FMN1: variants seen among roughly 807,000 people sequenced by gnomAD.
FMN1 encodes formin-1.
Under a neutral mutation model 132.4 loss-of-function variants are expected in FMN1, and 110 were observed. The ratio of observed to expected loss-of-function variants is 0.83; its 90% CI spans 0.71 to 0.97. FMN1 has a LOEUF of 0.97. Ranked by LOEUF, FMN1 falls within the 50% of genes least tolerant of loss-of-function variation. The pLI, the probability that FMN1 is intolerant of heterozygous loss-of-function variation, is 0.00. For synonymous variants in FMN1, 722 were observed against 651.7 expected (o/e 1.11, Z -1.64); for missense variants, 1,792 against 1,705.3 (o/e 1.05, Z -0.90).
Position 33,081,337 on chromosome 15 carries a change from G to A in FMN1, c.2043+7462C>T, listed in dbSNP as rs530313146. Reference sequence around the variant, plus strand: ...TTTAAATGTTAAAAAATTGATATACGTATTTTGGGGTACGTGTGATATTTT... The same window carrying A: ...TTTAAATGTTAAAAAATTGATATACATATTTTGGGGTACGTGTGATATTTT... On this transcript the variant is annotated intron_variant, in intron 5 of 20. Coordinates refer to ENST00000616417, the MANE Select transcript of FMN1 (RefSeq NM_001277313.2). Among the ~76,000 whole-genome samples, 182 of 152,208 alleles carry A rather than the reference G, an allele frequency of 1.2e-3. 1 individual carries two copies. The highest frequency in any genetic ancestry group is 4.0e-3 in the African/African-American group (168 of 41,526).
chr15:32,900,147 AT>A, intron 13 of FMN1, 22 bp from the exon 14 acceptor site: 1 of 1,613,034 alleles, frequency 6.2e-7, no homozygotes, highest in Non-Finnish European at 8.5e-7. Context: ...AACACCAGTT[AT>A]TACGGAGCTG....
At chr15:33,082,697 T>TA (rs886940906) in intron 5 of FMN1, among the ~76,000 whole-genome samples, 1 of 152,114 alleles carries the variant, frequency 6.6e-6, no homozygotes, top group Non-Finnish European at 1.5e-5. Flanking sequence ...CAGTGGAACA[T>TA]AAAAAACTGA....
At chr15:32,966,406 C>T (rs947779449) in intron 8 of FMN1, among the ~76,000 whole-genome samples, 6 of 152,040 alleles carry the variant, frequency 3.9e-5, no homozygotes, top group Non-Finnish European at 5.9e-5. Context: ...ATAATAAGGA[C>T]GTGCTTCCCA....
At chr15:32,967,293 C>A (rs2031332742) in intron 8 of FMN1, among the ~76,000 whole-genome samples, 1 of 152,168 alleles carries the variant, frequency 6.6e-6, no homozygotes, top group East Asian at 1.9e-4. Flanking sequence ...TCCACAGTTA[C>A]CTGTTGCTCA....
chr15:32,883,105 G>C (rs2059809716), intron 16 of FMN1, among the ~76,000 whole-genome samples: 1 of 152,184 alleles, frequency 6.6e-6, no homozygotes, highest in Non-Finnish European at 1.5e-5. Context: ...CCAGTTCTTA[G>C]CATTCCTCCC....
intron 17 of FMN1, among the ~76,000 whole-genome samples, chr15:32,807,268 CT>C (rs2057715341): frequency 6.6e-6 from 1 of 152,180 alleles, no homozygotes; most frequent in African/African-American, 2.4e-5. Flanking sequence ...AATGATTCAG[CT>C]TTCATAAGTG....
intron 20 of FMN1, among the ~76,000 whole-genome samples, 187 bp from the exon 21 acceptor site, chr15:32,774,541 C>A (rs1397873235): frequency 1.3e-5 from 2 of 152,070 alleles, no homozygotes; most frequent in Non-Finnish European, 2.9e-5. Flanking sequence ...CACCCTTACT[C>A]CCCAGAAAAA....
At chr15:32,787,623 G>C (rs1192940863) in intron 19 of FMN1, among the ~76,000 whole-genome samples, 3 of 152,218 alleles carry the variant, frequency 2.0e-5, no homozygotes, top group African/African-American at 7.2e-5. Context: ...GGCTGAGGCA[G>C]GACTGCTTGA....
rs7171257 is a variant in FMN1 at position 32,823,031 on chromosome 15, C to A, written c.3929-18699G>T. On this transcript the variant is annotated intron_variant, in intron 17 of 20. Coordinates refer to ENST00000616417, the MANE Select transcript of FMN1 (RefSeq NM_001277313.2). ...CTATCTTGGGGAGAACAGAGGAGGGCAGAATGTTCCATGGGGCAGGGTACT... is the reference window on the plus strand; with the variant it reads ...CTATCTTGGGGAGAACAGAGGAGGGAAGAATGTTCCATGGGGCAGGGTACT... 1.7e-3 allele frequency among the ~76,000 whole-genome samples: 265 copies of A among 152,092 alleles called. 1 individual carries two copies. The highest frequency in any genetic ancestry group is 6.1e-3 in the African/African-American group (253 of 41,470).
At chr15:33,008,571 C>T (rs1224840449) in intron 6 of FMN1, among the ~76,000 whole-genome samples, 5 of 152,150 alleles carry the variant, frequency 3.3e-5, no homozygotes, top group African/African-American at 2.4e-5. Flanking sequence ...TAATCTTTAT[C>T]TCAGAAAGTC....
At chr15:33,081,309 T>A (rs139700072) in intron 5 of FMN1, among the ~76,000 whole-genome samples, 19 of 152,322 alleles carry the variant, frequency 1.2e-4, no homozygotes, top group African/African-American at 4.6e-4. Context: ...TTCACCATTA[T>A]TTTTTAAATG....
chr15:32,955,454 C>T (rs1396468623), intron 9 of FMN1, among the ~76,000 whole-genome samples: 3 of 152,178 alleles, frequency 2.0e-5, no homozygotes, highest in African/African-American at 7.2e-5. Flanking sequence ...TACATCTTCA[C>T]ATACTTCTAG....
chr15:32,997,556 GT>G (rs1358574390), intron 7 of FMN1, among the ~76,000 whole-genome samples: 1 of 152,194 alleles, frequency 6.6e-6, no homozygotes, highest in African/African-American at 2.4e-5. Context: ...GTCTCAGGTA[GT>G]TCGAAATTAT....
intron 4 of FMN1, among the ~76,000 whole-genome samples, chr15:33,091,109 T>C (rs2038886370): frequency 6.6e-6 from 1 of 152,150 alleles, no homozygotes; most frequent in Non-Finnish European, 1.5e-5. Flanking sequence ...AATAAAACAA[T>C]ATAAAACATA....
chr15:33,026,678 G>C (rs1323642607), intron 6 of FMN1, among the ~76,000 whole-genome samples: 1 of 152,172 alleles, frequency 6.6e-6, no homozygotes, highest in Non-Finnish European at 1.5e-5. Context: ...GTAACTGACA[G>C]AGCCTTTTAT....
chr15:33,140,005 T>G (rs1345701439), intron 4 of FMN1, among the ~76,000 whole-genome samples: 2 of 152,200 alleles, frequency 1.3e-5, no homozygotes, highest in Non-Finnish European at 1.5e-5. Flanking sequence ...GAGGGAGAGA[T>G]ATTTTATTTT....
intron 6 of FMN1, among the ~76,000 whole-genome samples, chr15:33,047,364 C>G (rs1487659190): frequency 2.0e-5 from 3 of 152,072 alleles, no homozygotes; most frequent in Non-Finnish European, 4.4e-5. Context: ...TTACTTTTGG[C>G]AAAGTTTAAA....
Position 32,926,269 on chromosome 15 carries a change from T to C in FMN1, c.3139-8A>G. 2.2e-6 allele frequency: 3 copies of C among 1,363,118 alleles called. No homozygotes were observed. The highest frequency in any genetic ancestry group is 1.9e-4 in the Middle Eastern group (1 of 5,344). The allele number at this position is 1,363,118 out of a possible 1,614,324, so 84.4% of individuals were successfully genotyped here. A position where few individuals can be genotyped will look rare whatever the true frequency, so the allele number is the denominator to read the frequency against. The stretch of plus-strand genomic sequence containing the variant: ...ATCCAACAATTTGATGATCTAAAAT[T>C]AGAAAAAAAAAAAAAAGAATACAAG... On this transcript the variant is annotated splice_polypyrimidine_tract_variant and splice_region_variant and intron_variant, in intron 9 of 20. Transcript: ENST00000616417.
intron 17 of FMN1, among the ~76,000 whole-genome samples, chr15:32,835,710 G>T (rs1170608249): frequency 6.6e-6 from 1 of 152,080 alleles, no homozygotes; most frequent in South Asian, 2.1e-4. Context: ...GATAACCTTG[G>T]GACACAGACA....
Sources: gnomAD v4.1 joint callset for allele counts (sites outside exome capture counted in the v4.1 genomes callset) on GRCh38, gnomAD v4.1.1 for gene constraint, MANE v1.5 for transcripts, NCBI Gene and HGNC (gene_info 2026-07-23, HGNC 2026-07-21) for gene names.